The following PCSK1 variants were observed in gnomAD, a reference collection of about 807,000 sequenced individuals.
The protein encoded by PCSK1 is proprotein convertase subtilisin/kexin type 1, also known as neuroendocrine convertase 1.
A neutral mutation model predicts 90.6 loss-of-function variants in PCSK1; 56 were observed. That is an observed-to-expected ratio of 0.62 (90% CI 0.50 to 0.77). The LOEUF is 0.77. PCSK1 is among the 30% of genes least tolerant of loss of function. The pLI, the probability that PCSK1 is intolerant of heterozygous loss-of-function variation, is 0.00. For missense variants in PCSK1, 801 were observed against 932.6 expected, an observed-to-expected ratio of 0.86 and a Z score of 1.84; for synonymous variants, 348 against 342.4, an observed-to-expected ratio of 1.02 and a Z score of -0.18.
intron 1 of PCSK1, among the ~76,000 whole-genome samples, chr5:96,431,752 G>GCCCCCGC (rs1761506285): frequency 6.6e-6 from 1 of 152,034 alleles, no homozygotes; most frequent in Admixed American, 6.6e-5. Flanking sequence ...AATCGCCAAC[G>GCCCCCGC]CCCCCGCCGA....
chr5:96,412,354 C>T lies in PCSK1; in HGVS notation c.846G>A (p.Arg282=). ...CATATTCAAAAGCCTTCTGGGCTAGCCGGCCAGGCCCCTCCACAGTTTTCC... is the reference window on the plus strand; with the variant it reads ...CATATTCAAAAGCCTTCTGGGCTAGTCGGCCAGGCCCCTCCACAGTTTTCC... The part of the protein sequence containing the change: ...DDGKTVEGPG[R]LAQKAFEYGV... The change falls in exon 7 of 14, where the codon CGG becomes CGA. Residue 282 remains arginine, a synonymous_variant. Transcript: ENST00000311106. 6.2e-7 allele frequency: 1 copy of T among 1,614,178 alleles called. No homozygotes were observed. The highest frequency in any genetic ancestry group is 8.5e-7 in the Non-Finnish European group (1 of 1,180,036).
intron 9 of PCSK1, among the ~76,000 whole-genome samples, chr5:96,406,163 CT>C (rs1401348878): frequency 6.6e-6 from 1 of 152,132 alleles, no homozygotes; most frequent in Admixed American, 6.5e-5. Flanking sequence ...AAAAAAAGGT[CT>C]CGTTTGACCC....
At chr5:96,418,137 T>C (rs1760992299) in intron 5 of PCSK1, among the ~76,000 whole-genome samples, 1 of 152,218 alleles carries the variant, frequency 6.6e-6, no homozygotes, top group Non-Finnish European at 1.5e-5. Context: ...TGCAGGAGGA[T>C]CATGGTACAA....
Position 96,429,299 on chromosome 5 carries a change from G to C in PCSK1, c.199C>G (p.His67Asp). The C allele has an allele frequency of 6.3e-7, 1 of 1,579,564 alleles. No individual in the cohort carries two copies. Among genetic ancestry groups the C allele is most frequent in the Non-Finnish European group, 8.7e-7 (1 of 1,148,864 alleles). ...LLGQIGSLENHYLFKHKNHPR... is the reference protein window; with the variant it reads ...LLGQIGSLENDYLFKHKNHPR... ...TGGTTTTTATGTTTGAATAAGTAGT[G>C]ATTTTCAAGTGAACCAATCTATAAA... Residue 67 changes from histidine to aspartate, a missense_variant, in exon 2 of 14, where the codon CAC (histidine) becomes GAC (aspartate). His to Asp is a moderately conservative substitution (Grantham distance 81, BLOSUM62 -1). Coordinates refer to ENST00000311106, the MANE Select transcript of PCSK1 (RefSeq NM_000439.5).
intron 5 of PCSK1, 43 bp from the exon 6 acceptor site, chr5:96,416,164 A>C: frequency 7.3e-7 from 1 of 1,366,892 alleles, no homozygotes; most frequent in Non-Finnish European, 1.0e-6. Context: ...ACAGAAGAAC[A>C]AACATTTGTT....
intron 1 of PCSK1, among the ~76,000 whole-genome samples, chr5:96,430,698 T>C (rs946795539): frequency 6.6e-6 from 1 of 152,232 alleles, no homozygotes; most frequent in African/African-American, 2.4e-5. Flanking sequence ...CAAAGAATTA[T>C]TATTCTAATA....
chr5:96,427,070 A>G (rs758501517), intron 2 of PCSK1, among the ~76,000 whole-genome samples: 2 of 152,208 alleles, frequency 1.3e-5, no homozygotes, highest in African/African-American at 2.4e-5. Flanking sequence ...AATAAGTACT[A>G]ATCTTTGAGG....
At chr5:96,431,565 G>A (rs1273237149) in intron 1 of PCSK1, among the ~76,000 whole-genome samples, 1 of 152,162 alleles carries the variant, frequency 6.6e-6, no homozygotes, top group Non-Finnish European at 1.5e-5. Context: ...CTAACACGGA[G>A]CCTGGCACGA....
At chr5:96,421,785 C>T in intron 5 of PCSK1, 95 bp downstream of exon 5, 1 of 804,070 alleles carries the variant, frequency 1.2e-6, no homozygotes, top group Middle Eastern at 3.2e-4. Flanking sequence ...ATTTCCTGAG[C>T]ACTGGAATGT....
chr5:96,433,096 GAT>G lies in PCSK1; in HGVS notation c.-56_-55del. The G allele has an allele frequency of 6.4e-7, 1 of 1,557,916 alleles. No homozygotes were observed. Among genetic ancestry groups the G allele is most frequent in the Non-Finnish European group, 8.9e-7 (1 of 1,129,588 alleles). ...GGAAGGGAAGAGGAAAAAGAAGCAA[GAT>G]AGGAGAAAAGCCAGACAGACTCCCC... On this transcript the variant is annotated 5_prime_UTR_variant, in exon 1 of 14. Transcript: ENST00000311106.
In PCSK1 at chr5:96,393,198, G is replaced by A. The variant is rs769047061; in HGVS notation, c.2065C>T (p.Pro689Ser). 6.2e-7 allele frequency: 1 copy of A among 1,613,976 alleles called. No homozygotes were observed. The highest frequency in any genetic ancestry group is 8.5e-7 in the Non-Finnish European group (1 of 1,180,016). Residue 689 changes from proline to serine, a missense_variant, in exon 14 of 14, where the codon CCA (proline) becomes TCA (serine). By Grantham distance (74) the Pro-to-Ser change is moderately conservative. Transcript: ENST00000311106. ...SPPKQSPKKSPSAKLNIPYEN... is the reference protein window; with the variant it reads ...SPPKQSPKKSSSAKLNIPYEN... ...TAAGGGATGTTGAGCTTTGCACTTG[G>A]GGACTTCTTTGGTGATTGCTTTGGC...
chr5:96,429,067 A>G (rs1761406929), intron 2 of PCSK1, 146 bp downstream of exon 2: 1 of 591,136 alleles, frequency 1.7e-6, no homozygotes, highest in Non-Finnish European at 3.0e-6. Context: ...AATTTTATGG[A>G]AAGAAATTAG....
At chr5:96,428,003 AG>A (rs1163480108) in intron 2 of PCSK1, among the ~76,000 whole-genome samples, 1 of 152,194 alleles carries the variant, frequency 6.6e-6, no homozygotes, top group African/African-American at 2.4e-5. Context: ...AAGAGCTAGC[AG>A]TGGGTGTAGA....
At chr5:96,406,696 C>T (rs1304766165) in intron 9 of PCSK1, among the ~76,000 whole-genome samples, 1 of 152,236 alleles carries the variant, frequency 6.6e-6, no homozygotes, top group Admixed American at 6.5e-5. Flanking sequence ...TTTTTCCTTT[C>T]TGTTATTACG....
chr5:96,408,354 G>A (rs1331982297), intron 8 of PCSK1, 31 bp from the exon 9 acceptor site: 4 of 1,512,792 alleles, frequency 2.6e-6, no homozygotes, highest in Non-Finnish European at 3.7e-6. Flanking sequence ...GAGAAAGGCA[G>A]GGAGAACACG....
At chr5:96,395,141 T>C (rs577866088) in intron 12 of PCSK1, 116 bp from the exon 13 acceptor site, 2 of 892,600 alleles carry the variant, frequency 2.2e-6, no homozygotes, top group South Asian at 2.8e-5. Context: ...TTCTGTGCAT[T>C]TCATGTGAAA....
intron 8 of PCSK1, among the ~76,000 whole-genome samples, chr5:96,409,992 T>A (rs139005403): frequency 6.8e-4 from 103 of 152,334 alleles, no homozygotes; most frequent in African/African-American, 2.4e-3. Flanking sequence ...TCTAATTAGA[T>A]CATGACCTGC....
At chr5:96,408,999 C>T (rs1474182173) in intron 8 of PCSK1, among the ~76,000 whole-genome samples, 1 of 152,150 alleles carries the variant, frequency 6.6e-6, no homozygotes, top group Non-Finnish European at 1.5e-5. Flanking sequence ...CATTTGGCTC[C>T]CCATCTGTAA....
chr5:96,427,657 A>C (rs936963602), intron 2 of PCSK1, among the ~76,000 whole-genome samples: 1 of 152,174 alleles, frequency 6.6e-6, no homozygotes, highest in East Asian at 1.9e-4. Flanking sequence ...CTTCATTGTC[A>C]TGAGATACTT....
Sources: allele counts gnomAD v4.1 joint callset (sites outside exome capture counted in the v4.1 genomes callset), GRCh38; gene constraint gnomAD v4.1.1; transcripts MANE v1.5; gene names NCBI Gene and HGNC (gene_info 2026-07-23, HGNC 2026-07-21).